The following ZNF254 variants were observed in gnomAD, a reference collection of about 807,000 sequenced individuals.
ZNF254 encodes the protein zinc finger protein 254.
Under a neutral mutation model 12.4 loss-of-function variants are expected in ZNF254, and 10 were observed. That is an observed-to-expected ratio of 0.80 (90% CI 0.50 to 1.36). The LOEUF is 1.36. Among genes scored for constraint, ZNF254 ranks in the 40% most tolerant of loss-of-function variants. The pLI is 0.00. For synonymous variants in ZNF254, 305 were observed against 253.4 expected (o/e 1.20, Z -1.93); for missense variants, 996 against 763.9 (o/e 1.30, Z -3.58).
Position 24,126,379 on chromosome 19 carries a change from A to G in ZNF254, c.379A>G (p.Lys127Glu). ...GAATTTACAGTTAAGAAAAGGCTGTAAAAGTGTGGATGAGTATAAGGTGAA... is the reference window on the plus strand; with the variant it reads ...GAATTTACAGTTAAGAAAAGGCTGTGAAAGTGTGGATGAGTATAAGGTGAA... ...HENLQLRKGCKSVDEYKVNKE... is the reference protein window; with the variant it reads ...HENLQLRKGCESVDEYKVNKE... The change falls in exon 4 of 4, where the codon AAA becomes GAA. Residue 127 changes from lysine (K) to glutamate (E), a missense_variant. By Grantham distance (56) the Lys-to-Glu change is moderately conservative. Transcript: ENST00000357002. 6.2e-7 allele frequency: 1 copy of G among 1,610,512 alleles called. No individual in the cohort carries two copies. Among genetic ancestry groups the G allele is most frequent in the Non-Finnish European group, 8.5e-7 (1 of 1,178,724 alleles).
At chr19:24,091,817 G>A (rs1173813934) in intron 1 of ZNF254, 16 of 980,916 alleles carry the variant, frequency 1.6e-5, no homozygotes, top group Non-Finnish European at 1.9e-5. Flanking sequence ...TTTGATTTTT[G>A]AGTTTAATGC....
intron 1 of ZNF254, among the ~76,000 whole-genome samples, chr19:24,088,689 C>A (rs1972177013): frequency 6.6e-6 from 1 of 152,032 alleles, no homozygotes; most frequent in African/African-American, 2.4e-5. Context: ...TGCTCGGTCA[C>A]CCCGGATGGA....
intron 3 of ZNF254, among the ~76,000 whole-genome samples, chr19:24,110,516 T>C (rs901164936): frequency 2.0e-5 from 3 of 152,028 alleles, no homozygotes; most frequent in Middle Eastern, 3.4e-3. Context: ...CAGTGAGCCA[T>C]AATTGTGCCA....
At chr19:24,041,732 C>T (rs1465535243) in intron 1 of ZNF254, among the ~76,000 whole-genome samples, 1 of 152,260 alleles carries the variant, frequency 6.6e-6, no homozygotes, top group Admixed American at 6.5e-5. Flanking sequence ...GCAGCTTCAC[C>T]TGCAGCCCCG....
chr19:24,101,029 G>A (rs1972994294), intron 1 of ZNF254, among the ~76,000 whole-genome samples: 1 of 152,110 alleles, frequency 6.6e-6, no homozygotes, highest in Non-Finnish European at 1.5e-5. Context: ...GTTTCTTCAT[G>A]TTGGTCAGGC....
At chr19:24,082,224 G>A (rs1179886778), upstream of ZNF254, among the ~76,000 whole-genome samples, 1 of 151,750 alleles carries the variant, frequency 6.6e-6, no homozygotes. Context: ...CTCCTCATAG[G>A]TAAAAACATT....
chr19:24,085,426 A>ATATATATATATATATATATAT (rs369443689), upstream of ZNF254, among the ~76,000 whole-genome samples: 65 of 105,622 alleles, frequency 6.2e-4, 1 homozygote, highest in African/African-American at 9.0e-4. Flanking sequence ...ATATATATAT[A>ATATATATATATATATATATAT]AAAACTAAGA....
In ZNF254 at chr19:24,127,418, G is replaced by T. The variant is rs1177516108; in HGVS notation, c.1418G>T (p.Trp473Leu). The change falls in exon 4 of 4, where the codon TGG becomes TTG. Residue 473 changes from tryptophan (W) to leucine (L), a missense_variant. Transcript: ENST00000357002. ...KCEECGKAFI[W>L]SSTLTRHKRM... The stretch of plus-strand genomic sequence containing the variant: ...GAAGAATGTGGCAAGGCATTTATAT[G>T]GTCCTCAACCCTAACTAGACATAAG... The T allele has an allele frequency of 1.2e-6, 2 of 1,610,346 alleles. No individual in the cohort carries two copies. The highest frequency in any genetic ancestry group is 2.2e-5 in the South Asian group (2 of 90,970).
chr19:24,067,797 A>G (rs942474410), intron 2 of ZNF254, among the ~76,000 whole-genome samples: 16 of 151,772 alleles, frequency 1.1e-4, no homozygotes, highest in African/African-American at 3.6e-4. Context: ...GGACCCTACA[A>G]ATATTTTGCA....
intron 2 of ZNF254, among the ~76,000 whole-genome samples, chr19:24,071,889 T>C (rs970651066): frequency 1.1e-4 from 17 of 152,064 alleles, no homozygotes; most frequent in Non-Finnish European, 2.1e-4. Context: ...TGCAGGAGAG[T>C]CACATCACCT....
chr19:24,095,360 C>T (rs1416197203), intron 1 of ZNF254, among the ~76,000 whole-genome samples: 1 of 151,950 alleles, frequency 6.6e-6, no homozygotes, highest in African/African-American at 2.4e-5. Context: ...TTTGTTTTAT[C>T]TTTGCCAGGT....
In ZNF254 at chr19:24,116,047, GT is replaced by G. The variant is rs572701741; in HGVS notation, c.253+9407del. 3.3e-3 allele frequency among the ~76,000 whole-genome samples: 497 copies of G among 152,276 alleles called. 5 individuals are homozygous for G. The highest frequency in any genetic ancestry group is 0.01 in the Middle Eastern group (3 of 294). On this transcript the variant is annotated intron_variant, in intron 3 of 3. Transcript: ENST00000357002. ...CCCCCACTCTCTTCTGGCTTGTAGA[GT>G]TTCTGCCGAGAGGTCCACTCTTAGT...
At chr19:24,100,916 C>T (rs1023851925) in intron 1 of ZNF254, among the ~76,000 whole-genome samples, 1 of 151,826 alleles carries the variant, frequency 6.6e-6, no homozygotes, top group Non-Finnish European at 1.5e-5. Context: ...CAACCTCCGC[C>T]TCCCAAGTTC....
At chr19:24,108,229 ATGG>A (rs1415213022) in intron 3 of ZNF254, among the ~76,000 whole-genome samples, 1 of 152,194 alleles carries the variant, frequency 6.6e-6, no homozygotes, top group African/African-American at 2.4e-5. Flanking sequence ...GCCTGCCAGC[ATGG>A]CTCTAAATGG....
chr19:24,090,181 G>C (rs1188637158), intron 1 of ZNF254, among the ~76,000 whole-genome samples: 1 of 152,096 alleles, frequency 6.6e-6, no homozygotes, highest in East Asian at 1.9e-4. Context: ...CTGGGCGACA[G>C]AGTGAGACTC....
chr19:24,107,490 A>G, intron 3 of ZNF254: 1 of 310,096 alleles, frequency 3.2e-6, no homozygotes, highest in Non-Finnish European at 5.8e-6. Context: ...TTTATCAGAT[A>G]GTTTAAGTGT....
chr19:24,087,526 C>G (rs1972102135), intron 1 of ZNF254, among the ~76,000 whole-genome samples, 189 bp downstream of exon 1: 1 of 152,174 alleles, frequency 6.6e-6, no homozygotes, highest in Non-Finnish European at 1.5e-5. Flanking sequence ...CCTGTTTCTT[C>G]CCTGCGCAGT....
chr19:24,056,530 G>A (rs1970862651), intron 2 of ZNF254, among the ~76,000 whole-genome samples: 1 of 152,036 alleles, frequency 6.6e-6, no homozygotes, highest in African/African-American at 2.4e-5. Flanking sequence ...ACCTCAAAAG[G>A]CATTGTGACA....
intron 1 of ZNF254, among the ~76,000 whole-genome samples, chr19:24,100,711 C>G (rs563657424): frequency 2.0e-5 from 3 of 150,450 alleles, no homozygotes; most frequent in Admixed American, 1.3e-4. Context: ...CACAAATCCA[C>G]TTGTAACTGC....
Sources: gnomAD v4.1 joint callset for allele counts (sites outside exome capture counted in the v4.1 genomes callset) on GRCh38, gnomAD v4.1.1 for gene constraint, MANE v1.5 for transcripts, NCBI Gene and HGNC (gene_info 2026-07-23, HGNC 2026-07-21) for gene names.